ACSM5: variants seen among roughly 807,000 people sequenced by gnomAD.
The protein encoded by ACSM5 is acyl-coenzyme A synthetase ACSM5, mitochondrial.
ACSM5 carries 56 observed loss-of-function variants against 71.6 expected under a neutral mutation model. The ratio of observed to expected loss-of-function variants is 0.78; its 90% confidence interval spans 0.63 to 0.98. The LOEUF is 0.98. Ranked by LOEUF, ACSM5 falls within the 50% of genes least tolerant of loss-of-function variation. The probability of loss-of-function intolerance (pLI) is 0.00; values close to 1 mark genes in which losing one functional copy is unlikely to be tolerated. For missense variants in ACSM5, 723 were observed against 726.0 expected (o/e 1.00, Z 0.05); for synonymous variants, 285 against 281.5 (o/e 1.01, Z -0.12).
In ACSM5 at chr16:20,429,676, A is replaced by G; in HGVS notation, c.1002-2A>G. The stretch of plus-strand genomic sequence containing the variant: ...GTGGCCTTGTTTTCCTGTCTGAGAA[A>G]GGTACCAGTTTCAGAGCCTGAGGCA... On this transcript the variant is annotated splice_acceptor_variant, in intron 7 of 13. Coordinates refer to ENST00000331849, the MANE Select transcript of ACSM5 (RefSeq NM_017888.3). LOFTEE classifies it high-confidence loss of function. 1.2e-6 allele frequency: 2 copies of G among 1,613,904 alleles called. No homozygotes were observed. Among genetic ancestry groups the G allele is most frequent in the Non-Finnish European group, 1.7e-6 (2 of 1,179,894 alleles).
intron 10 of ACSM5, among the ~76,000 whole-genome samples, chr16:20,434,822 C>G (rs558592833): frequency 6.6e-6 from 1 of 152,200 alleles, no homozygotes; most frequent in Non-Finnish European, 1.5e-5. Flanking sequence ...AAAGCATTAC[C>G]ATAAGTCTTC....
At chr16:20,419,672 C>T (rs1051984102) in intron 4 of ACSM5, 98 of 549,658 alleles carry the variant, frequency 1.8e-4, no homozygotes, top group Middle Eastern at 5.0e-4. Context: ...TTCTATAATG[C>T]GGTGGTAGTT....
At chr16:20,424,543 A>G (rs143194355) in intron 6 of ACSM5, among the ~76,000 whole-genome samples, 6,767 of 144,144 alleles carry the variant, frequency 0.047, 157 homozygotes, top group South Asian at 0.062. Context: ...CCTTTCTTCC[A>G]CCCCCCACAT....
chr16:20,412,085 A>C (rs546495901), intron 2 of ACSM5: 25 of 238,436 alleles, frequency 1.0e-4, no homozygotes, highest in South Asian at 2.7e-4. Context: ...GTGGCTCATG[A>C]CCATAATCCC....
At position 20,410,765 on chromosome 16, in the gene ACSM5, A is replaced by T. The variant is rs1966846168; in HGVS notation, c.-15-705A>T. On this transcript the variant is annotated intron_variant, in intron 1 of 13. Coordinates refer to ENST00000331849, the MANE Select transcript of ACSM5 (RefSeq NM_017888.3). ...TAAAAATTTTAAAAATAATAAAATT[A>T]AATAAAAAAATTAAAAAGACACTAA... Among the ~76,000 whole-genome samples the T allele has an allele frequency of 3.9e-5, 6 of 152,044 alleles. 1 individual carries two copies. In the South Asian group the frequency reaches 8.3e-4, roughly 21 times the overall value.
Position 20,439,837 on chromosome 16 carries a change from C to T in ACSM5, c.1574C>T (p.Ser525Phe). 1 of 1,611,860 alleles carries T rather than the reference C, an allele frequency of 6.2e-7. No homozygotes were observed. Among genetic ancestry groups the T allele is most frequent in the Non-Finnish European group, 8.5e-7 (1 of 1,178,372 alleles). The change falls in exon 13 of 14, where the codon TCC (serine) becomes TTC (phenylalanine). Residue 525 changes from serine to phenylalanine, a missense_variant. By Grantham distance (155) the Ser-to-Phe change is radical. Transcript: ENST00000331849. ...TTTATAGTCCTTACTCCAGCCTACT[C>T]CTCTCATGACCCAGAGGCACTAACG... is the stretch of plus-strand genomic sequence containing the variant. The part of the protein sequence containing the change: ...KAFIVLTPAY[S>F]SHDPEALTRE...
intron 10 of ACSM5, among the ~76,000 whole-genome samples, chr16:20,435,853 T>C (rs1967181023): frequency 6.6e-6 from 1 of 152,124 alleles, no homozygotes; most frequent in Non-Finnish European, 1.5e-5. Context: ...ATTGTTTTTC[T>C]CTTTCCTCTA....
At chr16:20,424,193 C>T (rs1159467927) in intron 6 of ACSM5, 124 bp downstream of exon 6, 7 of 1,229,484 alleles carry the variant, frequency 5.7e-6, no homozygotes, top group Non-Finnish European at 7.8e-6. Context: ...TGGTGTGGCT[C>T]CCTGGCCTTC....
chr16:20,421,612 TG>T (rs1388622530), intron 5 of ACSM5, among the ~76,000 whole-genome samples: 2 of 63,424 alleles, frequency 3.2e-5, no homozygotes, highest in Admixed American at 2.3e-4. Flanking sequence ...TTTTAAATCG[TG>T]GCTATATATA....
At chr16:20,436,147 T>TTTCC (rs1555495978) in intron 10 of ACSM5, among the ~76,000 whole-genome samples, 2 of 127,500 alleles carry the variant, frequency 1.6e-5, no homozygotes, top group African/African-American at 6.3e-5. Context: ...CTTTTCCTTC[T>TTTCC]TCCCTCCCTC....
At chr16:20,430,310 G>A (rs957378674) in intron 8 of ACSM5, among the ~76,000 whole-genome samples, 1 of 151,632 alleles carries the variant, frequency 6.6e-6, no homozygotes, top group Non-Finnish European at 1.5e-5. Context: ...AGCCCTCACT[G>A]CTGAAGGCAT....
At chr16:20,412,497 C>T (rs1567338906) in intron 2 of ACSM5, among the ~76,000 whole-genome samples, 1 of 152,202 alleles carries the variant, frequency 6.6e-6, no homozygotes, top group Non-Finnish European at 1.5e-5. Flanking sequence ...CATCTGCTTT[C>T]TTCTTTATTT....
Position 20,427,789 on chromosome 16 carries a change from C to G in ACSM5, c.923C>G (p.Thr308Ser), listed in dbSNP as rs138922279. Reference protein sequence around the residue: ...PRVDAKVILNTLSKFPITTLC... With the variant: ...PRVDAKVILNSLSKFPITTLC... ...CTTTCACCCTTTGTTTTTGTTTAGA[C>G]TCTCTCCAAATTCCCGATAACCACC... Residue 308 changes from threonine (T) to serine (S), a missense_variant and splice_region_variant, in exon 7 of 14, where the codon ACT becomes AGT. By Grantham distance (58) the Thr-to-Ser change is moderately conservative. Transcript: ENST00000331849. 4.3e-6 allele frequency: 7 copies of G among 1,611,578 alleles called. No individual in the cohort carries two copies. The African/African-American group carries it at 6.7e-5, about 15-fold the overall frequency.
chr16:20,416,668 T>G (rs188076076), intron 2 of ACSM5, among the ~76,000 whole-genome samples: 9 of 152,266 alleles, frequency 5.9e-5, no homozygotes, highest in Admixed American at 5.2e-4. Flanking sequence ...GACCTCTGAT[T>G]GGGCAATGGT....
At position 20,431,310 on chromosome 16, in the gene ACSM5, A is replaced by G. The variant is rs1432893686; in HGVS notation, c.1297A>G (p.Asn433Asp). The change falls in exon 10 of 14, where the codon AAT (asparagine) becomes GAT (aspartate). Residue 433 changes from asparagine to aspartate, a missense_variant. Asn to Asp is a conservative substitution (Grantham distance 23, BLOSUM62 1). Transcript: ENST00000331849. ...IRPTRPFCFF[N>D]CYLDNPEKTA... ...ACCCACTCGGCCCTTCTGTTTCTTC[A>G]ATTGCTATTTGGTAAGAGACGGGGA... 1.2e-6 allele frequency: 2 copies of G among 1,613,742 alleles called. No individual in the cohort carries two copies. The highest frequency in any genetic ancestry group is 1.7e-6 in the Non-Finnish European group (2 of 1,179,788).
chr16:20,436,479 G>A (rs556943552), intron 10 of ACSM5, among the ~76,000 whole-genome samples: 32 of 151,980 alleles, frequency 2.1e-4, no homozygotes, highest in African/African-American at 6.8e-4. Flanking sequence ...TAAGCAATTC[G>A]CCTGCCTCAG....
chr16:20,412,378 A>G (rs1362602587), intron 2 of ACSM5, among the ~76,000 whole-genome samples: 1 of 152,124 alleles, frequency 6.6e-6, no homozygotes, highest in Non-Finnish European at 1.5e-5. Flanking sequence ...ATACAACAAA[A>G]CAAAATAAAA....
intron 8 of ACSM5, among the ~76,000 whole-genome samples, chr16:20,430,055 A>G (rs1027807608): frequency 2.6e-5 from 4 of 152,144 alleles, no homozygotes; most frequent in African/African-American, 9.7e-5. Context: ...GAAGAAGGTG[A>G]GAGGAGGGGC....
chr16:20,427,278 T>C (rs1567344377), intron 6 of ACSM5, among the ~76,000 whole-genome samples: 1 of 152,068 alleles, frequency 6.6e-6, no homozygotes, highest in Non-Finnish European at 1.5e-5. Flanking sequence ...CCAGCCTGGG[T>C]GACAGAGTGA....
Sources: gnomAD v4.1 joint callset for allele counts (sites outside exome capture counted in the v4.1 genomes callset) on GRCh38, gnomAD v4.1.1 for gene constraint, MANE v1.5 for transcripts, NCBI Gene and HGNC (gene_info 2026-07-23, HGNC 2026-07-21) for gene names.